NABP2: variants seen among roughly 807,000 people sequenced by gnomAD.
NABP2 encodes SOSS complex subunit B1.
In NABP2, 7 loss-of-function variants were observed where a neutral mutation model predicts 22.7. The ratio of observed to expected loss-of-function variants is 0.31; its 90% CI spans 0.18 to 0.58. The LOEUF (loss-of-function observed/expected upper bound fraction) is 0.58, where lower values mean the gene tolerates loss of function less well. Among genes scored for constraint, NABP2 ranks in the 20% least tolerant of loss-of-function variants. The pLI, the probability that NABP2 is intolerant of heterozygous loss-of-function variation, is 0.89. For missense variants in NABP2, 188 were observed against 265.9 expected, an observed-to-expected ratio of 0.71 and a Z score of 2.04; for synonymous variants, 107 against 99.2, an observed-to-expected ratio of 1.08 and a Z score of -0.47.
intron 1 of NABP2, 109 bp downstream of exon 1, chr12:56,224,550 G>T: frequency 8.3e-7 from 1 of 1,202,698 alleles, no homozygotes; most frequent in Non-Finnish European, 1.0e-6. Context: ...GCTGTGCACC[G>T]GGTTCCCTAC....
rs1234528500 is a variant in NABP2 at position 56,229,473 on chromosome 12, G to A, written c.*260G>A. The A allele has an allele frequency of 1.7e-5, 8 of 473,372 alleles. No homozygotes were observed. In the East Asian group the frequency reaches 2.0e-4, roughly 12 times the overall value. The allele number at this position is 473,372 out of a possible 1,614,324, so 29.3% of individuals were successfully genotyped here. On this transcript the variant is annotated 3_prime_UTR_variant, in exon 7 of 7. Coordinates refer to ENST00000267023, the MANE Select transcript of NABP2 (RefSeq NM_024068.4). ...TTACTGGCTGGGCGCAGTGGCTCAC[G>A]CTTGTAATCCCAGCACTTTGGGAAG...
chr12:56,226,246 G>A lies in NABP2; in HGVS notation c.358G>A (p.Ala120Thr), dbSNP rs1391599289. Residue 120 changes from alanine to threonine, a missense_variant, in exon 5 of 7, where the codon GCA (alanine) becomes ACA (threonine). By Grantham distance (58) the Ala-to-Thr change is moderately conservative (BLOSUM62 0). Transcript: ENST00000267023. ...AAACCCAGAGTACAGCACCCAGCAGGCACCCAACAAGGCGGTGAGTCCTGT... is the reference window on the plus strand; with the variant it reads ...AAACCCAGAGTACAGCACCCAGCAGACACCCAACAAGGCGGTGAGTCCTGT... ...EPNPEYSTQQ[A>T]PNKAVQNDSN... 6.2e-7 allele frequency: 1 copy of A among 1,614,150 alleles called. No individual in the cohort carries two copies. The highest frequency in any genetic ancestry group is 8.5e-7 in the Non-Finnish European group (1 of 1,180,028).
chr12:56,228,894 T>C (rs1869943845), intron 6 of NABP2, 120 bp from the exon 7 acceptor site: 1 of 913,442 alleles, frequency 1.1e-6, no homozygotes, highest in East Asian at 2.6e-5. Context: ...CCAGTTGGCA[T>C]TAAGATGCAG....
Position 56,229,087 on chromosome 12 carries a change from T to TTCCCG in NABP2, c.510_511insTCCCG (p.Pro171SerfsTer64). On this transcript the variant is annotated frameshift_variant, in exon 7 of 7. Coordinates refer to ENST00000267023, the MANE Select transcript of NABP2 (RefSeq NM_024068.4). LOFTEE classifies it high-confidence loss of function. Reference sequence around the variant, plus strand: ...GTGGTGGCCCACATCCCCCTCATACTCCCTCCCACCCACCCAGCACCCGAA... The same window carrying TTCCCG: ...GTGGTGGCCCACATCCCCCTCATACTTCCCGCCCTCCCACCCACCCAGCACCCGAA... The TTCCCG allele has an allele frequency of 6.6e-7, 1 of 1,512,346 alleles. No individual in the cohort carries two copies. The highest frequency in any genetic ancestry group is 9.1e-7 in the Non-Finnish European group (1 of 1,102,014). The allele number at this position is 1,512,346 out of a possible 1,614,324, so 93.7% of individuals were successfully genotyped here. A position where few individuals can be genotyped will look rare whatever the true frequency, so the allele number is the denominator to read the frequency against.
At chr12:56,222,346 G>A (rs1451585378), upstream of NABP2, 1 of 152,232 alleles carries the variant, frequency 6.6e-6, no homozygotes, top group Non-Finnish European at 1.5e-5. Flanking sequence ...CTTGACTCCT[G>A]TCATGGGAAT....
chr12:56,226,314 A>AT (rs1869760278), intron 5 of NABP2, 42 bp from the exon 6 acceptor site: 1 of 1,613,888 alleles, frequency 6.2e-7, no homozygotes, highest in South Asian at 1.1e-5. Flanking sequence ...GACAAGAAGC[A>AT]TGGGAGGGAG....
At chr12:56,228,376 G>T (rs919874468) in intron 6 of NABP2, among the ~76,000 whole-genome samples, 1 of 149,228 alleles carries the variant, frequency 6.7e-6, no homozygotes, top group South Asian at 2.1e-4. Context: ...ATCACTTTTG[G>T]TGAAGGGGCC....
chr12:56,222,066 A>G (rs1051524138), upstream of NABP2: 5 of 152,298 alleles, frequency 3.3e-5, no homozygotes, highest in African/African-American at 1.2e-4. Flanking sequence ...CCTCCACTCT[A>G]GACAGGAAGT....
chr12:56,226,732 A>ATTTTT (rs10676452), intron 6 of NABP2, among the ~76,000 whole-genome samples: 2 of 64,612 alleles, frequency 3.1e-5, no homozygotes, highest in Non-Finnish European at 6.4e-5. Flanking sequence ...TGCCCGGCTA[A>ATTTTT]TTTTTTTTTT....
At chr12:56,228,457 G>C (rs1869898700) in intron 6 of NABP2, among the ~76,000 whole-genome samples, 1 of 151,328 alleles carries the variant, frequency 6.6e-6, no homozygotes, top group Non-Finnish European at 1.5e-5. Flanking sequence ...TGCAATCTCG[G>C]CTCACTGCAA....
chr12:56,229,382 C>A lies in NABP2; in HGVS notation c.*169C>A, dbSNP rs1276898497. The A allele has an allele frequency of 6.0e-6, 4 of 669,870 alleles. No homozygotes were observed. The highest frequency in any genetic ancestry group is 1.0e-5 in the Non-Finnish European group (4 of 393,958). 41.5% of individuals were successfully genotyped at this position (669,870 alleles called of 1,614,324 possible). A position where few individuals can be genotyped will look rare whatever the true frequency, so the allele number is the denominator to read the frequency against. ...AATCTCATACTCCCTCATTGTCCAG[C>A]TGAACTACCTGTCCCCTGGGAGTCA... On this transcript the variant is annotated 3_prime_UTR_variant, in exon 7 of 7. Coordinates refer to ENST00000267023, the MANE Select transcript of NABP2 (RefSeq NM_024068.4).
rs889691078 is a variant in NABP2, at chr12:56,225,408, C to A, written c.115C>A (p.Arg39=). 6.2e-7 allele frequency: 1 copy of A among 1,614,150 alleles called. No individual in the cohort carries two copies. Among genetic ancestry groups the A allele is most frequent in the Non-Finnish European group, 8.5e-7 (1 of 1,180,004 alleles). ...CAAGACAAAGGACGGGCATGAGGTT[C>A]GGACCTGCAAAGTGGCGGACAAAAC... The part of the protein sequence containing the change: ...VTKTKDGHEV[R]TCKVADKTGS... The change falls in exon 3 of 7, where the codon CGG becomes AGG. Residue 39 remains arginine, a synonymous_variant. Coordinates refer to ENST00000267023, the MANE Select transcript of NABP2 (RefSeq NM_024068.4).
In NABP2 at chr12:56,229,088, C is replaced by CT; in HGVS notation, c.511_512insT (p.Pro171LeufsTer30). ...TGGTGGCCCACATCCCCCTCATACTCCCTCCCACCCACCCAGCACCCGAAT... is the reference window on the plus strand; with the variant it reads ...TGGTGGCCCACATCCCCCTCATACTCTCCTCCCACCCACCCAGCACCCGAAT... On this transcript the variant is annotated frameshift_variant, in exon 7 of 7. Transcript: ENST00000267023. LOFTEE classifies it high-confidence loss of function. 2 of 586,444 alleles carry CT rather than the reference C, an allele frequency of 3.4e-6. No individual in the cohort carries two copies. The highest frequency in any genetic ancestry group is 3.1e-6 in the Non-Finnish European group (1 of 322,090). 36.3% of individuals were successfully genotyped at this position (586,444 alleles called of 1,614,324 possible).
In NABP2 at chr12:56,229,263, A is replaced by G. The variant is rs752852758; in HGVS notation, c.*50A>G. ...CAACCACATCCCAAGTGTCCCCTGGAGAGCAAGATAGCCTTCCACTGATTG... is the reference window on the plus strand; with the variant it reads ...CAACCACATCCCAAGTGTCCCCTGGGGAGCAAGATAGCCTTCCACTGATTG... On this transcript the variant is annotated 3_prime_UTR_variant, in exon 7 of 7. Coordinates refer to ENST00000267023, the MANE Select transcript of NABP2 (RefSeq NM_024068.4). The G allele has an allele frequency of 6.3e-7, 1 of 1,595,400 alleles. No homozygotes were observed. Among genetic ancestry groups the G allele is most frequent in the Non-Finnish European group, 8.6e-7 (1 of 1,166,614 alleles).
intron 6 of NABP2, 29 bp from the exon 7 acceptor site, chr12:56,228,985 T>C (rs753409650): frequency 2.5e-6 from 4 of 1,593,132 alleles, no homozygotes; most frequent in Non-Finnish European, 3.4e-6. Flanking sequence ...GTTAACTAAT[T>C]CCTTTGTTTC....
In NABP2 at chr12:56,226,194, T is replaced by C. The variant is rs1383117759; in HGVS notation, c.306T>C (p.Tyr102=). 6.2e-7 allele frequency: 1 copy of C among 1,614,020 alleles called. No individual in the cohort carries two copies. Among genetic ancestry groups the C allele is most frequent in the East Asian group, 2.2e-5 (1 of 44,906 alleles). ...LQKIGEFCMV[Y]SEVPNFSEPN... is the part of the protein sequence containing the mutation. ...TCCCTTGCAGATTCTGTATGGTTTA[T>C]TCTGAGGTTCCTAACTTCAGTGAGC... The change falls in exon 5 of 7, where the codon TAT becomes TAC. Residue 102 remains tyrosine, a synonymous_variant. Transcript: ENST00000267023.
chr12:56,228,789 C>T (rs949223013), intron 6 of NABP2, among the ~76,000 whole-genome samples: 2 of 152,094 alleles, frequency 1.3e-5, no homozygotes, highest in Admixed American at 1.3e-4. Context: ...AGAAAAATAC[C>T]GTACCGAGGT....
intron 6 of NABP2, among the ~76,000 whole-genome samples, chr12:56,227,191 C>T (rs1197546364): frequency 6.6e-6 from 1 of 151,702 alleles, no homozygotes; most frequent in East Asian, 2.0e-4. Flanking sequence ...CCATGGCCAA[C>T]GTGGCGAAAC....
At chr12:56,226,511 C>T (rs1565593322) in intron 6 of NABP2, 92 bp downstream of exon 6, 1 of 1,048,618 alleles carries the variant, frequency 9.5e-7, no homozygotes, top group Admixed American at 1.8e-5. Context: ...TTTTCCAAAT[C>T]TCTCTTTTCT....
Sources: allele counts gnomAD v4.1 joint callset (sites outside exome capture counted in the v4.1 genomes callset), GRCh38; gene constraint gnomAD v4.1.1; transcripts MANE v1.5; gene names NCBI Gene and HGNC (gene_info 2026-07-23, HGNC 2026-07-21).